IPO11: variants seen among roughly 807,000 people sequenced by gnomAD.
The protein encoded by IPO11 is importin-11.
A neutral mutation model predicts 143.2 loss-of-function variants in IPO11; 66 were observed. The ratio of observed to expected loss-of-function variants is 0.46; its 90% CI spans 0.38 to 0.57. The LOEUF is 0.57. IPO11 is among the 20% of genes least tolerant of loss of function. The probability of loss-of-function intolerance (pLI) is 0.00; values close to 1 mark genes in which losing one functional copy is unlikely to be tolerated. For missense variants in IPO11, 1,026 were observed against 1,141.0 expected (o/e 0.90, Z 1.45); for synonymous variants, 385 against 377.8 (o/e 1.02, Z -0.22).
Position 62,489,303 on chromosome 5 carries a change from A to G in IPO11, c.1311A>G (p.Gly437=). 1 of 1,539,732 alleles carries G rather than the reference A, an allele frequency of 6.5e-7. No homozygotes were observed. Among genetic ancestry groups the G allele is most frequent in the South Asian group, 1.2e-5 (1 of 81,184 alleles). The change falls in exon 14 of 30, where the codon GGA becomes GGG. Residue 437 remains glycine, a splice_region_variant and synonymous_variant. Coordinates refer to ENST00000325324, the MANE Select transcript of IPO11 (RefSeq NM_016338.5). ...CCTATTTATATATATATTTTTTAGG[A>G]CCCACAAATGTGGAAGATATGAATG... The part of the protein sequence containing the change: ...VLLEMMQTLQ[G]PTNVEDMNAL...
rs578242722 is a variant in IPO11 at position 62,430,226 on chromosome 5, T to C, written c.-6-7048T>C. Among the ~76,000 whole-genome samples the C allele has an allele frequency of 3.3e-5, 5 of 152,360 alleles. No individual in the cohort carries two copies. In the East Asian group the frequency reaches 9.6e-4, roughly 29 times the overall value. On this transcript the variant is annotated intron_variant, in intron 1 of 29. Transcript: ENST00000325324. ...GTAGAATTGCTATGTTATATGTTATTCTGTGTTTAACATTTTAAGGAACTG... is the reference window on the plus strand; with the variant it reads ...GTAGAATTGCTATGTTATATGTTATCCTGTGTTTAACATTTTAAGGAACTG...
chr5:62,516,593 C>T (rs1282154711), intron 20 of IPO11, among the ~76,000 whole-genome samples: 1 of 152,086 alleles, frequency 6.6e-6, no homozygotes, highest in Non-Finnish European at 1.5e-5. Flanking sequence ...CATGCCCAGC[C>T]CCTCCGTAAA....
intron 16 of IPO11, among the ~76,000 whole-genome samples, chr5:62,501,073 G>A (rs1580253402): frequency 6.6e-6 from 1 of 152,236 alleles, no homozygotes; most frequent in Non-Finnish European, 1.5e-5. Flanking sequence ...GTATGGAGAA[G>A]ACTGTAGCAT....
rs1260119924 is a variant in IPO11, at chr5:62,451,755, T to G, written c.338T>G (p.Ile113Ser). The G allele has an allele frequency of 1.2e-6, 2 of 1,614,198 alleles. No homozygotes were observed. Among genetic ancestry groups the G allele is most frequent in the Admixed American group, 3.3e-5 (2 of 60,022 alleles). The change falls in exon 5 of 30, where the codon ATT becomes AGT. Residue 113 changes from isoleucine (I) to serine (S), a missense_variant. Physicochemically the swap from Ile to Ser is moderately radical, Grantham distance 142. Transcript: ENST00000325324. ...ATTGCAACTCAGATTGCAGTGCTCA[T>G]TGCAAAAGTTGCTAGATTGGATTGT... ...NQIATQIAVL[I>S]AKVARLDCPR...
At chr5:62,493,344 T>A (rs1741015298) in intron 15 of IPO11, among the ~76,000 whole-genome samples, 2 of 152,142 alleles carry the variant, frequency 1.3e-5, no homozygotes, top group Admixed American at 1.3e-4. Context: ...CCTTTCCAGT[T>A]TTAGAGTTTG....
chr5:62,485,010 T>A (rs1746348428), intron 11 of IPO11, among the ~76,000 whole-genome samples: 1 of 152,138 alleles, frequency 6.6e-6, no homozygotes, highest in Non-Finnish European at 1.5e-5. Flanking sequence ...CCTGAAGTAT[T>A]TTTCTTTAAA....
intron 25 of IPO11, 141 bp from the exon 26 acceptor site, chr5:62,551,082 G>T: frequency 2.3e-6 from 1 of 436,900 alleles, no homozygotes; most frequent in Non-Finnish European, 4.1e-6. Context: ...TAGAACTCAG[G>T]CAGTATTGAT....
chr5:62,465,819 G>A (rs1745553993), intron 5 of IPO11, among the ~76,000 whole-genome samples: 2 of 152,196 alleles, frequency 1.3e-5, no homozygotes, highest in Admixed American at 6.5e-5. Flanking sequence ...TTTGGATAGA[G>A]AAAGGAAGCA....
At chr5:62,448,407 A>C (rs767106730) in intron 3 of IPO11, among the ~76,000 whole-genome samples, 13 of 152,242 alleles carry the variant, frequency 8.5e-5, no homozygotes, top group Non-Finnish European at 1.9e-4. Context: ...AACCATGGAA[A>C]GTAAGGGAGG....
rs189076622 is a variant in IPO11, at chr5:62,427,104, A to G, written c.-6-10170A>G. 1.4e-3 allele frequency among the ~76,000 whole-genome samples: 218 copies of G among 151,236 alleles called. 1 individual carries two copies. The highest frequency in any genetic ancestry group is 3.4e-3 in the Middle Eastern group (1 of 294). On this transcript the variant is annotated intron_variant, in intron 1 of 29. Coordinates refer to ENST00000325324, the MANE Select transcript of IPO11 (RefSeq NM_016338.5). ...AGGCGCCCGCCACCACACCTGGCTC[A>G]TTTTTTTGTATTTTTAGTAGAGACA...
chr5:62,498,785 G>A (rs888075493), intron 16 of IPO11, among the ~76,000 whole-genome samples: 6 of 152,134 alleles, frequency 3.9e-5, no homozygotes, highest in African/African-American at 1.4e-4. Context: ...CAGGAGAATT[G>A]CTTGAATCTG....
intron 26 of IPO11, among the ~76,000 whole-genome samples, chr5:62,560,001 A>G (rs1007373774): frequency 1.3e-5 from 2 of 151,266 alleles, no homozygotes; most frequent in African/African-American, 4.9e-5. Context: ...AGATGTTCAC[A>G]CTGCTACTTT....
chr5:62,447,502 C>G (rs1341949424), intron 3 of IPO11, among the ~76,000 whole-genome samples: 1 of 152,006 alleles, frequency 6.6e-6, no homozygotes, highest in Non-Finnish European at 1.5e-5. Flanking sequence ...TATGATCTTT[C>G]TGGAATTTAT....
chr5:62,565,368 T>C (rs1202153374), intron 27 of IPO11, among the ~76,000 whole-genome samples: 4 of 152,030 alleles, frequency 2.6e-5, no homozygotes, highest in African/African-American at 9.7e-5. Context: ...TGTTTGTAAT[T>C]CCAGCTACTC....
At chr5:62,590,522 G>A (rs1329789723) in intron 27 of IPO11, among the ~76,000 whole-genome samples, 1 of 152,098 alleles carries the variant, frequency 6.6e-6, no homozygotes, top group African/African-American at 2.4e-5. Flanking sequence ...TATAAATAGC[G>A]TAATTATGGT....
In IPO11 at chr5:62,530,835, T is replaced by G. The variant is rs1010525871; in HGVS notation, c.2089+50T>G. The G allele has an allele frequency of 5.0e-6, 7 of 1,407,462 alleles. No individual in the cohort carries two copies. The Admixed American group carries it at 8.7e-5, about 18-fold the overall frequency. 87.2% of individuals were successfully genotyped at this position (1,407,462 alleles called of 1,614,324 possible). ...TAATGTTTTTGAATGCAACCATAAT[T>G]GGGAGGCATTGAAACATAATTTGGA... On this transcript the variant is annotated intron_variant, in intron 22 of 29. Transcript: ENST00000325324.
chr5:62,456,170 C>T lies in IPO11; in HGVS notation c.516+4237C>T, dbSNP rs138078943. ...GGGTTTACAGGTGCACGTCACCATGCCTGGCTAATTTTTGTGTTTTTGGTA... is the reference window on the plus strand; with the variant it reads ...GGGTTTACAGGTGCACGTCACCATGTCTGGCTAATTTTTGTGTTTTTGGTA... On this transcript the variant is annotated intron_variant, in intron 5 of 29. Transcript: ENST00000325324. 7.2e-3 allele frequency among the ~76,000 whole-genome samples: 1,103 copies of T among 152,228 alleles called. 13 individuals are homozygous for T. Among genetic ancestry groups the T allele is most frequent in the African/African-American group, 0.025 (1,038 of 41,542 alleles).
At chr5:62,433,746 G>A (rs1466235806) in intron 1 of IPO11, among the ~76,000 whole-genome samples, 2 of 152,190 alleles carry the variant, frequency 1.3e-5, no homozygotes, top group African/African-American at 4.8e-5. Flanking sequence ...GATTCCACTA[G>A]AACAGGAAAA....
intron 20 of IPO11, among the ~76,000 whole-genome samples, chr5:62,521,669 G>C (rs32188): frequency 0.69 from 105,093 of 151,698 alleles, 36,758 homozygotes; most frequent in African/African-American, 0.78. Flanking sequence ...ACTTTCTGAA[G>C]TTTTTGTTAC....
Sources: allele counts gnomAD v4.1 joint callset (sites outside exome capture counted in the v4.1 genomes callset), GRCh38; gene constraint gnomAD v4.1.1; transcripts MANE v1.5; gene names NCBI Gene and HGNC (gene_info 2026-07-23, HGNC 2026-07-21).